Variants in CERKL observed in about 807,000 individuals in gnomAD.
The protein encoded by CERKL is CERK like autophagy regulator.
Under a neutral mutation model 63.4 loss-of-function variants are expected in CERKL, and 61 were observed. The observed-to-expected ratio is 0.96, with a 90% CI of 0.78 to 1.19. The LOEUF is 1.19. Ranked by LOEUF, CERKL falls within the 50% of genes most tolerant of loss-of-function variation. The probability of loss-of-function intolerance (pLI) is 0.00; values close to 1 mark genes in which losing one functional copy is unlikely to be tolerated. For missense variants in CERKL, 675 were observed against 655.5 expected (o/e 1.03, Z -0.33); for synonymous variants, 250 against 230.5 (o/e 1.08, Z -0.77).
intron 11 of CERKL, among the ~76,000 whole-genome samples, chr2:181,540,062 A>ATC (rs1553512215): frequency 7.7e-3 from 1 of 130 alleles, no homozygotes; most frequent in Non-Finnish European, 0.025. Flanking sequence ...TCAATGAAAC[A>ATC]GTTTTAAAAG....
chr2:181,625,642 G>T (rs1313453649), intron 1 of CERKL, among the ~76,000 whole-genome samples: 3 of 152,144 alleles, frequency 2.0e-5, no homozygotes, highest in Admixed American at 2.0e-4. Context: ...AAAGGACACT[G>T]GTGTAGGAAG....
At chr2:181,605,670 A>G (rs1479366982) in intron 1 of CERKL, among the ~76,000 whole-genome samples, 1 of 152,240 alleles carries the variant, frequency 6.6e-6, no homozygotes. Context: ...AAAAAAATTC[A>G]GCCATCCTGC....
rs869037405 is a variant in CERKL, at chr2:181,609,533, TAAAAA to T, written c.239-5459_239-5455del. On this transcript the variant is annotated intron_variant, in intron 1 of 12. Coordinates refer to ENST00000410087, the MANE Select transcript of CERKL (RefSeq NM_201548.5). ...CACCATGGTGAAACCCTGTCTCTACTAAAAAAAAAAAAAAAAAAAAAAATTTGCCA... is the reference window on the plus strand; with the variant it reads ...CACCATGGTGAAACCCTGTCTCTACTAAAAAAAAAAAAAAAAAATTTGCCA... Among the ~76,000 whole-genome samples, 279 of 70,228 alleles carry T rather than the reference TAAAAA, an allele frequency of 4.0e-3. 3 individuals carry two copies. Among genetic ancestry groups the T allele is most frequent in the African/African-American group, 0.012 (256 of 21,106 alleles). 46.1% of individuals were successfully genotyped at this position (70,228 alleles called of 152,430 possible).
chr2:181,648,038 A>G (rs981137223), intron 1 of CERKL, among the ~76,000 whole-genome samples: 3 of 152,194 alleles, frequency 2.0e-5, no homozygotes, highest in Admixed American at 6.5e-5. Context: ...GTTTAAAAAA[A>G]ACTAAGCAAA....
chr2:181,612,887 C>T (rs954088227), intron 1 of CERKL, among the ~76,000 whole-genome samples: 2 of 152,020 alleles, frequency 1.3e-5, no homozygotes, highest in Non-Finnish European at 2.9e-5. Context: ...CAGTATTTTT[C>T]TGATTCATAT....
intron 1 of CERKL, among the ~76,000 whole-genome samples, chr2:181,655,306 CAT>C (rs1371388433): frequency 6.6e-6 from 1 of 152,216 alleles, no homozygotes; most frequent in East Asian, 1.9e-4. Context: ...AATACTGCAA[CAT>C]TGGTTTGTAT....
chr2:181,618,135 G>T (rs377367655), intron 1 of CERKL, among the ~76,000 whole-genome samples: 2 of 152,080 alleles, frequency 1.3e-5, no homozygotes, highest in African/African-American at 4.8e-5. Context: ...GAAGGGGGTG[G>T]GTGTTGAAAA....
At chr2:181,587,890 A>T (rs1574475106) in intron 2 of CERKL, among the ~76,000 whole-genome samples, 1 of 152,254 alleles carries the variant, frequency 6.6e-6, no homozygotes, top group South Asian at 2.1e-4. Context: ...CTCCAAAAAA[A>T]ATAATTTTTA....
Position 181,578,189 on chromosome 2 carries a change from T to C in CERKL, c.482-4305A>G, listed in dbSNP as rs142776268. On this transcript the variant is annotated intron_variant, in intron 2 of 12. Coordinates refer to ENST00000410087, the MANE Select transcript of CERKL (RefSeq NM_201548.5). ...ATGTATCTATATACACGCATATATA[T>C]ACACACACGTATATATATACACACA... is the stretch of plus-strand genomic sequence containing the variant. Among the ~76,000 whole-genome samples, 6 of 152,158 alleles carry C rather than the reference T, an allele frequency of 3.9e-5. No individual in the cohort carries two copies. The South Asian group carries it at 1.0e-3, about 26-fold the overall frequency.
At chr2:181,609,053 T>C (rs1221200627) in intron 1 of CERKL, among the ~76,000 whole-genome samples, 2 of 152,212 alleles carry the variant, frequency 1.3e-5, no homozygotes, top group African/African-American at 4.8e-5. Flanking sequence ...ATTGAATAAG[T>C]GGAGATACAA....
chr2:181,537,434 C>CTTGTATCATGAATTTTAA lies in CERKL; in HGVS notation c.*732_*749dup, dbSNP rs1559063770. ...TATTTGTTATCAACTTACTTTGTTACTTGTATCATGAATTTTAAAACCCTA... is the reference window on the plus strand; with the variant it reads ...TATTTGTTATCAACTTACTTTGTTACTTGTATCATGAATTTTAATTGTATCATGAATTTTAAAACCCTA... On this transcript the variant is annotated 3_prime_UTR_variant, in exon 13 of 13. Coordinates refer to ENST00000410087, the MANE Select transcript of CERKL (RefSeq NM_201548.5). 1 of 453,830 alleles carries CTTGTATCATGAATTTTAA rather than the reference C, an allele frequency of 2.2e-6. No homozygotes were observed. Among genetic ancestry groups the CTTGTATCATGAATTTTAA allele is most frequent in the Admixed American group, 2.4e-5 (1 of 42,522 alleles). The allele number at this position is 453,830 out of a possible 1,614,324, so 28.1% of individuals were successfully genotyped here.
chr2:181,582,966 T>C (rs1684593890), intron 2 of CERKL, among the ~76,000 whole-genome samples: 1 of 152,186 alleles, frequency 6.6e-6, no homozygotes, highest in Non-Finnish European at 1.5e-5. Flanking sequence ...ACGACCACTT[T>C]ATCTTTCCAC....
intron 11 of CERKL, 39 bp from the exon 12 acceptor site, chr2:181,539,303 C>G (rs1234645294): frequency 1.5e-6 from 2 of 1,319,870 alleles, no homozygotes; most frequent in Non-Finnish European, 2.2e-6. Context: ...CTTGGTTTAT[C>G]TCTAGCTACT....
intron 4 of CERKL, among the ~76,000 whole-genome samples, chr2:181,560,622 G>A (rs1377043898): frequency 6.6e-6 from 1 of 152,028 alleles, no homozygotes; most frequent in Non-Finnish European, 1.5e-5. Context: ...CCTTCAATTT[G>A]CAGATTAGGA....
rs553327652 is a variant in CERKL at position 181,621,586 on chromosome 2, T to C, written c.239-17507A>G. ...CCACTTTATAATAGTTTTAAAATTA[T>C]AATTTCTTCTCCATGCCTTTCATCA... On this transcript the variant is annotated intron_variant, in intron 1 of 12. Coordinates refer to ENST00000410087, the MANE Select transcript of CERKL (RefSeq NM_201548.5). Among the ~76,000 whole-genome samples, 3 of 152,334 alleles carry C rather than the reference T, an allele frequency of 2.0e-5. No individual in the cohort carries two copies. In the South Asian group the frequency reaches 6.2e-4, roughly 32 times the overall value.
At chr2:181,585,906 T>G (rs1047890147) in intron 2 of CERKL, among the ~76,000 whole-genome samples, 1 of 152,124 alleles carries the variant, frequency 6.6e-6, no homozygotes, top group African/African-American at 2.4e-5. Flanking sequence ...TATCCTAGAC[T>G]TGAACTCAGA....
Position 181,539,152 on chromosome 2 carries a change from T to C in CERKL, c.1478A>G (p.Asn493Ser), listed in dbSNP as rs748640531. 9.9e-6 allele frequency: 16 copies of C among 1,610,072 alleles called. No homozygotes were observed. In the Admixed American group the frequency reaches 1.3e-4, roughly 13 times the overall value. ...EEEEDETASE[N>S]CFPWNVDGDL... ...ACCATCTACATTCCAAGGGAAACAA[T>C]TTTCTGAAGCAGTTTCATCCTCCTC... Residue 493 changes from asparagine (N) to serine (S), a missense_variant, in exon 12 of 13, where the codon AAT becomes AGT. Transcript: ENST00000410087.
chr2:181,548,865 A>G lies in CERKL; in HGVS notation c.896-8T>C. ...CGACCAGCTGTACATGCCCTTGAAT[A>G]TTACATTAAATATTAATCAGTGAGT... On this transcript the variant is annotated splice_polypyrimidine_tract_variant and splice_region_variant and intron_variant, in intron 6 of 12. Transcript: ENST00000410087. 1 of 1,611,834 alleles carries G rather than the reference A, an allele frequency of 6.2e-7. No homozygotes were observed. Among genetic ancestry groups the G allele is most frequent in the Non-Finnish European group, 8.5e-7 (1 of 1,178,054 alleles).
chr2:181,547,906 G>GACACACACAGACAC (rs139036113), intron 8 of CERKL, 59 bp from the exon 9 acceptor site: 1 of 1,128,010 alleles, frequency 8.9e-7, no homozygotes, highest in Admixed American at 2.0e-5. Context: ...CAGACACACA[G>GACACACACAGACAC]ACACACACAA....
Sources: gnomAD v4.1 joint callset for allele counts (sites outside exome capture counted in the v4.1 genomes callset) on GRCh38, gnomAD v4.1.1 for gene constraint, MANE v1.5 for transcripts, NCBI Gene and HGNC (gene_info 2026-07-23, HGNC 2026-07-21) for gene names.